Variants in KRT73 observed in about 807,000 individuals in gnomAD.
The protein encoded by KRT73 is keratin 73, also known as keratin, type II cytoskeletal 73.
In KRT73, 44 loss-of-function variants were observed where a neutral mutation model predicts 47.2. The observed-to-expected ratio is 0.93, with a 90% confidence interval of 0.73 to 1.20. The LOEUF is 1.20. Among genes scored for constraint, KRT73 ranks in the 50% most tolerant of loss-of-function variants. The probability of loss-of-function intolerance (pLI) is 0.00; values close to 1 mark genes in which losing one functional copy is unlikely to be tolerated. For synonymous variants in KRT73, 285 were observed against 291.3 expected (o/e 0.98, Z 0.22); for missense variants, 713 against 704.5 (o/e 1.01, Z -0.14).
the KRT73 span, among the ~76,000 whole-genome samples, chr12:52,628,856 G>A: frequency 6.6e-6 from 1 of 152,152 alleles, no homozygotes; most frequent in Non-Finnish European, 1.5e-5. Flanking sequence ...CAAAAAGGTG[G>A]GGGTAGAGCC....
Position 52,608,004 on chromosome 12 carries a change from C to T in KRT73, c.*192G>A. ...CTTTGGATGGAGGCAGAAAGATGGG[C>T]TCCAGCTCTCAAATCCTGATTCAAC... On this transcript the variant is annotated 3_prime_UTR_variant, in exon 9 of 9. Coordinates refer to ENST00000305748, the MANE Select transcript of KRT73 (RefSeq NM_175068.3). The T allele has an allele frequency of 1.6e-6, 1 of 622,678 alleles. No individual in the cohort carries two copies. The highest frequency in any genetic ancestry group is 2.8e-5 in the East Asian group (1 of 35,124). 38.6% of individuals were successfully genotyped at this position (622,678 alleles called of 1,614,324 possible).
intron 6 of KRT73, 122 bp downstream of exon 6, chr12:52,611,082 C>A (rs1940691207): frequency 7.1e-6 from 9 of 1,272,124 alleles, no homozygotes; most frequent in Non-Finnish European, 9.9e-6. Flanking sequence ...GGGATGAGAG[C>A]AGGACCTCCA....
upstream of KRT73, among the ~76,000 whole-genome samples, chr12:52,619,253 T>C (rs1185937960): frequency 6.6e-6 from 1 of 152,224 alleles, no homozygotes. Flanking sequence ...TTATGGTCAT[T>C]GCACCATTCA....
In KRT73 at chr12:52,618,376, C is replaced by T; in HGVS notation, c.149G>A (p.Ser50Asn). ...AGAGATGCTCCGGGCACCCCCCAGG[C>T]TGTAAAGGCTCCGACTGCTGAAGCC... ...SGGFSSRSLYSLGGARSISFN... is the reference protein window; with the variant it reads ...SGGFSSRSLYNLGGARSISFN... Residue 50 changes from serine (S) to asparagine (N), a missense_variant, in exon 1 of 9, where the codon AGC becomes AAC. By Grantham distance (46) the Ser-to-Asn change is conservative. Transcript: ENST00000305748. 1 of 1,614,214 alleles carries T rather than the reference C, an allele frequency of 6.2e-7. No homozygotes were observed. The highest frequency in any genetic ancestry group is 8.5e-7 in the Non-Finnish European group (1 of 1,180,056).
chr12:52,610,501 G>C (rs1940672043), intron 7 of KRT73, 114 bp downstream of exon 7: 1 of 951,500 alleles, frequency 1.1e-6, no homozygotes, highest in Admixed American at 2.0e-5. Flanking sequence ...TATGCTTGTG[G>C]GTGAAGTAAA....
chr12:52,612,514 G>A (rs1940722684), intron 5 of KRT73: 1 of 152,220 alleles, frequency 6.6e-6, no homozygotes, highest in African/African-American at 2.4e-5. Context: ...AGCAGAGAAG[G>A]CAGAAGGGCT....
chr12:52,614,801 C>A, intron 3 of KRT73, 127 bp from the exon 4 acceptor site: 1 of 706,704 alleles, frequency 1.4e-6, no homozygotes, highest in South Asian at 2.0e-5. Flanking sequence ...GGGGCAGGAA[C>A]CGGCCTTCCA....
intron 6 of KRT73, 171 bp downstream of exon 6, chr12:52,611,033 C>G: frequency 1.0e-6 from 1 of 981,764 alleles, no homozygotes; most frequent in Non-Finnish European, 1.5e-6. Flanking sequence ...TGAAAATAAT[C>G]TGCAATTGTT....
upstream of KRT73, among the ~76,000 whole-genome samples, chr12:52,622,259 GACAAATTAGACAGTTTCA>G (rs146309729): frequency 0.076 from 11,533 of 152,136 alleles, 671 homozygotes; most frequent in African/African-American, 0.17. Flanking sequence ...CTAAATAGAT[GACAAATTAGACAGTTTCA>G]ACAAAGAAAT....
rs759670534 is a variant in KRT73, at chr12:52,618,428, G to T, written c.97C>A (p.Arg33=). 1 of 1,614,096 alleles carries T rather than the reference G, an allele frequency of 6.2e-7. No individual in the cohort carries two copies. The highest frequency in any genetic ancestry group is 8.5e-7 in the Non-Finnish European group (1 of 1,180,014). ...CCACTGAGCCCTTTGCCCCCTGCTC[G>T]GTAGGAGGATGAGCTGCCCCCTGAG... ...VLSGGSSSSY[R]AGGKGLSGGF... Residue 33 remains arginine (R), a synonymous_variant, in exon 1 of 9, where the codon CGA becomes AGA. Transcript: ENST00000305748.
At chr12:52,620,651 G>A (rs985651929), upstream of KRT73, among the ~76,000 whole-genome samples, 4 of 151,860 alleles carry the variant, frequency 2.6e-5, no homozygotes, top group Non-Finnish European at 4.4e-5. Context: ...GCAGTATGGC[G>A]TGGATGTGCT....
Position 52,610,703 on chromosome 12 carries a change from G to T in KRT73, c.1243C>A (p.Arg415Ser). ...ACGCTCAAAAGCTCTTGGTACTCGC[G>T]CAGCATCCGTGCCAGCTCCTCCTTG... Reference protein sequence around the residue: ...QAKEELARMLREYQELLSVKL... With the variant: ...QAKEELARMLSEYQELLSVKL... The change falls in exon 7 of 9, where the codon CGC (arginine) becomes AGC (serine). Residue 415 changes from arginine to serine, a missense_variant. By Grantham distance (110) the Arg-to-Ser change is moderately radical (BLOSUM62 -1). Coordinates refer to ENST00000305748, the MANE Select transcript of KRT73 (RefSeq NM_175068.3). The T allele has an allele frequency of 1.2e-6, 2 of 1,613,946 alleles. No individual in the cohort carries two copies. Among genetic ancestry groups the T allele is most frequent in the African/African-American group, 1.3e-5 (1 of 74,976 alleles).
the KRT73 span, among the ~76,000 whole-genome samples, chr12:52,629,825 T>C: frequency 6.6e-6 from 1 of 152,294 alleles, no homozygotes; most frequent in South Asian, 2.1e-4. Flanking sequence ...AACTCCTGTA[T>C]AGAGTAACAA....
intron 1 of KRT73, 146 bp downstream of exon 1, chr12:52,617,932 T>C: frequency 1.1e-6 from 1 of 891,476 alleles, no homozygotes; most frequent in Non-Finnish European, 1.7e-6. Context: ...CCTGGGGAGC[T>C]TTCAAGTTGT....
intron 5 of KRT73, among the ~76,000 whole-genome samples, chr12:52,612,078 CAA>C (rs993843095): frequency 2.6e-5 from 4 of 152,066 alleles, no homozygotes; most frequent in African/African-American, 9.7e-5. Flanking sequence ...AGTTGGTGCT[CAA>C]AAAAAGTCTG....
In KRT73 at chr12:52,611,311, C is replaced by T. The variant is rs1341874554; in HGVS notation, c.1003G>A (p.Ala335Thr). The T allele has an allele frequency of 6.2e-7, 1 of 1,614,170 alleles. No individual in the cohort carries two copies. The highest frequency in any genetic ancestry group is 8.5e-7 in the Non-Finnish European group (1 of 1,180,044). ...YQTKFQELQL[A>T]AGRHGDDLKH... The stretch of plus-strand genomic sequence containing the variant: ...AGGTCATCCCCATGCCGGCCGGCTG[C>T]TAGCTGCAGCTCCTGGAACTAGAGG... The change falls in exon 6 of 9, where the codon GCA becomes ACA. Residue 335 changes from alanine (A) to threonine (T), a missense_variant. Ala to Thr is a moderately conservative substitution (Grantham distance 58, BLOSUM62 0). Transcript: ENST00000305748.
At chr12:52,613,496 G>T in intron 5 of KRT73, 192 bp downstream of exon 5, 1 of 1,018,292 alleles carries the variant, frequency 9.8e-7, no homozygotes, top group Non-Finnish European at 1.4e-6. Context: ...ATCCTCCAGG[G>T]GTGCTGTTGA....
At chr12:52,608,528 C>T in intron 8 of KRT73, 76 bp from the exon 9 acceptor site, 7 of 1,324,814 alleles carry the variant, frequency 5.3e-6, no homozygotes, top group Non-Finnish European at 7.1e-6. Context: ...TCCAACCTCC[C>T]AGCCCCACTA....
At chr12:52,615,107 G>C in intron 3 of KRT73, 172 bp downstream of exon 3, 2 of 592,436 alleles carry the variant, frequency 3.4e-6, no homozygotes, top group Non-Finnish European at 6.0e-6. Context: ...AGTACTGTGT[G>C]CTAAACCAAC....
Sources: allele counts gnomAD v4.1 joint callset (sites outside exome capture counted in the v4.1 genomes callset), GRCh38; gene constraint gnomAD v4.1.1; transcripts MANE v1.5; gene names NCBI Gene and HGNC (gene_info 2026-07-23, HGNC 2026-07-21).